COL23A1: variants seen among roughly 807,000 people sequenced by gnomAD.
COL23A1 encodes the protein collagen alpha-1(XXIII) chain.
A neutral mutation model predicts 99.3 loss-of-function variants in COL23A1; 97 were observed. That is an observed-to-expected ratio of 0.98 (90% CI 0.83 to 1.16). The LOEUF (loss-of-function observed/expected upper bound fraction) is 1.16. Among genes scored for constraint, COL23A1 ranks in the 50% most tolerant of loss-of-function variants. The pLI is 0.00. For missense variants in COL23A1, 762 were observed against 757.4 expected, an observed-to-expected ratio of 1.01 and a Z score of -0.07; for synonymous variants, 320 against 308.2, an observed-to-expected ratio of 1.04 and a Z score of -0.40.
At chr5:178,266,366 CATGTGTGTGTGTGCGCATATGTGTGT>C (rs1166355631) in intron 8 of COL23A1, among the ~76,000 whole-genome samples, 1 of 151,858 alleles carries the variant, frequency 6.6e-6, no homozygotes, top group Non-Finnish European at 1.5e-5. Flanking sequence ...TTTGTGTGTG[CATGTGTGTGTGTGCGCATATGTGTGT>C]GTGTGTTGGG....
intron 11 of COL23A1, among the ~76,000 whole-genome samples, chr5:178,260,939 C>T (rs1244604656): frequency 6.6e-6 from 1 of 152,132 alleles, no homozygotes; most frequent in Non-Finnish European, 1.5e-5. Context: ...TGTCCGAATC[C>T]AGAGTGTACC....
At chr5:178,541,409 G>A (rs1395315910) in intron 2 of COL23A1, among the ~76,000 whole-genome samples, 2 of 152,158 alleles carry the variant, frequency 1.3e-5, no homozygotes, top group Non-Finnish European at 2.9e-5. Context: ...GCGACATGGT[G>A]AAACCCCGTC....
intron 2 of COL23A1, among the ~76,000 whole-genome samples, chr5:178,559,380 GACC>G (rs1762439419): frequency 6.6e-6 from 1 of 152,184 alleles, no homozygotes; most frequent in African/African-American, 2.4e-5. Flanking sequence ...GTCTTCTCTG[GACC>G]AATAACAAAA....
chr5:178,430,950 C>T (rs1172359067), intron 2 of COL23A1, among the ~76,000 whole-genome samples: 6 of 151,988 alleles, frequency 3.9e-5, no homozygotes, highest in Non-Finnish European at 5.9e-5. Flanking sequence ...AAGACATGAG[C>T]GGCCTGCTGC....
chr5:178,240,340 AG>A (rs1271383859), intron 27 of COL23A1, among the ~76,000 whole-genome samples: 5 of 151,982 alleles, frequency 3.3e-5, no homozygotes, highest in South Asian at 2.1e-4. Context: ...GAAGGTGGGG[AG>A]GGGGGCAGAA....
At chr5:178,585,729 T>C (rs62391106) in intron 1 of COL23A1, among the ~76,000 whole-genome samples, 851 of 10,716 alleles carry the variant, frequency 0.079, 28 homozygotes, top group East Asian at 0.11. Flanking sequence ...GGGGTAACAC[T>C]CCACAGCCCT....
intron 2 of COL23A1, among the ~76,000 whole-genome samples, chr5:178,406,674 C>G (rs1004678361): frequency 1.3e-5 from 2 of 151,944 alleles, no homozygotes; most frequent in East Asian, 3.9e-4. Context: ...GTGATCTGCC[C>G]GCCTCAGCCT....
chr5:178,547,935 ACCC>A (rs1761775127), intron 2 of COL23A1, among the ~76,000 whole-genome samples: 1 of 28,900 alleles, frequency 3.5e-5, no homozygotes, highest in Non-Finnish European at 6.0e-5. Flanking sequence ...TTACACCCAC[ACCC>A]ACCCCCCACA....
chr5:178,296,496 C>G (rs952369488), intron 3 of COL23A1, among the ~76,000 whole-genome samples: 1 of 152,198 alleles, frequency 6.6e-6, no homozygotes, highest in Non-Finnish European at 1.5e-5. Flanking sequence ...GCGGATCCCA[C>G]GCAGGGGCTG....
chr5:178,467,070 G>A (rs985257963), intron 2 of COL23A1, among the ~76,000 whole-genome samples: 1 of 152,230 alleles, frequency 6.6e-6, no homozygotes, highest in Non-Finnish European at 1.5e-5. Context: ...CTGCTGTTAC[G>A]ACGAGGTTAA....
chr5:178,318,232 A>G (rs991634214), intron 2 of COL23A1, among the ~76,000 whole-genome samples: 6 of 152,218 alleles, frequency 3.9e-5, no homozygotes, highest in African/African-American at 1.4e-4. Context: ...TTTCTCACAC[A>G]TTTGTGGGGT....
At position 178,313,071 on chromosome 5, in the gene COL23A1, G is replaced by A. The variant is rs1007460021; in HGVS notation, c.362-6152C>T. Among the ~76,000 whole-genome samples, 6 of 152,166 alleles carry A rather than the reference G, an allele frequency of 3.9e-5. No homozygotes were observed. Among genetic ancestry groups the A allele is most frequent in the African/African-American group, 7.2e-5 (3 of 41,420 alleles). On this transcript the variant is annotated intron_variant, in intron 2 of 28. Coordinates refer to ENST00000390654, the MANE Select transcript of COL23A1 (RefSeq NM_173465.4). This position sits in a 1 kb window ranked among gnomAD's most constrained non-coding sequence, Gnocchi z 4.2. ...ATGATGGGCCTGGAGGACGTCACGC[G>A]ATGGGAAGTAAGCCAGACACAGAAA...
chr5:178,388,701 T>C (rs1763801003), intron 2 of COL23A1, among the ~76,000 whole-genome samples: 1 of 152,132 alleles, frequency 6.6e-6, no homozygotes, highest in Non-Finnish European at 1.5e-5. Context: ...CCGAGTGGCC[T>C]CCCTGCCTCC....
At chr5:178,390,281 G>A (rs138248531) in intron 2 of COL23A1, among the ~76,000 whole-genome samples, 7 of 152,372 alleles carry the variant, frequency 4.6e-5, no homozygotes, top group East Asian at 1.9e-4. Context: ...CACTGAGACT[G>A]TCTGGATCAT....
intron 1 of COL23A1, among the ~76,000 whole-genome samples, chr5:178,587,276 C>T (rs959996963): frequency 2.6e-5 from 4 of 152,096 alleles, no homozygotes; most frequent in Non-Finnish European, 5.9e-5. Context: ...TTTATCTCTT[C>T]CTTTGTGTGC....
chr5:178,264,751 G>A (rs887113781), intron 8 of COL23A1, among the ~76,000 whole-genome samples: 32 of 152,286 alleles, frequency 2.1e-4, no homozygotes, highest in African/African-American at 7.2e-4. Flanking sequence ...CCACCTCCCG[G>A]GTTCAAGCGA....
In COL23A1 at chr5:178,250,109, G is replaced by T. The variant is rs764177109; in HGVS notation, c.1015-4C>A. ...CACCGGGCAATCCAAGCTCGCCCTG[G>T]AAGGGAAGAGATGGCAAGAGGGGTT... On this transcript the variant is annotated splice_region_variant and splice_polypyrimidine_tract_variant and intron_variant, in intron 17 of 28. Coordinates refer to ENST00000390654, the MANE Select transcript of COL23A1 (RefSeq NM_173465.4). The T allele has an allele frequency of 1.9e-6, 3 of 1,614,174 alleles. No homozygotes were observed. The highest frequency in any genetic ancestry group is 3.3e-5 in the Admixed American group (2 of 60,028).
intron 2 of COL23A1, among the ~76,000 whole-genome samples, chr5:178,327,284 C>A (rs1345555682): frequency 2.6e-5 from 4 of 152,202 alleles, no homozygotes; most frequent in Non-Finnish European, 5.9e-5. Context: ...CAGCCAATTA[C>A]AGCACAGTGT....
At chr5:178,480,967 G>C (rs1402458189) in intron 2 of COL23A1, among the ~76,000 whole-genome samples, 2 of 151,852 alleles carry the variant, frequency 1.3e-5, no homozygotes, top group Non-Finnish European at 2.9e-5. Flanking sequence ...CCAATGTGGT[G>C]AAACCTTGTC....
Sources: allele counts gnomAD v4.1 joint callset (sites outside exome capture counted in the v4.1 genomes callset), GRCh38; gene constraint gnomAD v4.1.1; non-coding constraint Gnocchi (gnomAD v3.1); transcripts MANE v1.5; gene names NCBI Gene and HGNC (gene_info 2026-07-23, HGNC 2026-07-21).